USH2A: variants seen among roughly 807,000 people sequenced by gnomAD.
USH2A encodes the protein Usher syndrome 2A (autosomal recessive, mild).
In USH2A, 443 loss-of-function variants were observed where a neutral mutation model predicts 538.9. That is an observed-to-expected ratio of 0.82 (90% CI 0.76 to 0.89). The LOEUF (loss-of-function observed/expected upper bound fraction) is 0.89, where lower values mean the gene tolerates loss of function less well. USH2A is among the 40% of genes least tolerant of loss of function. The probability of loss-of-function intolerance (pLI) is 0.00; values close to 1 mark genes in which losing one functional copy is unlikely to be tolerated. For synonymous variants in USH2A, 2,413 were observed against 2,273.5 expected, an observed-to-expected ratio of 1.06 and a Z score of -1.75; for missense variants, 6,633 against 6,324.8, an observed-to-expected ratio of 1.05 and a Z score of -1.65.
At chr1:216,115,748 C>T (rs1262386172) in intron 21 of USH2A, among the ~76,000 whole-genome samples, 2 of 151,358 alleles carry the variant, frequency 1.3e-5, no homozygotes, top group African/African-American at 4.9e-5. Flanking sequence ...AAATATACCC[C>T]ACATTGAATT....
chr1:216,144,179 T>G (rs1403972882), intron 21 of USH2A, among the ~76,000 whole-genome samples: 1 of 152,192 alleles, frequency 6.6e-6, no homozygotes, highest in African/African-American at 2.4e-5. Flanking sequence ...AGTGCATCAG[T>G]AGCAATGTAG....
intron 46 of USH2A, among the ~76,000 whole-genome samples, chr1:215,842,455 T>C (rs1266478975): frequency 6.6e-6 from 1 of 152,204 alleles, no homozygotes; most frequent in African/African-American, 2.4e-5. Flanking sequence ...ATCCCATTAC[T>C]GGGTATATAC....
intron 3 of USH2A, among the ~76,000 whole-genome samples, chr1:216,375,802 G>T (rs1423379179): frequency 6.6e-6 from 1 of 152,136 alleles, no homozygotes; most frequent in Non-Finnish European, 1.5e-5. Flanking sequence ...TCAAGTGAGA[G>T]AAATGTTACT....
intron 21 of USH2A, among the ~76,000 whole-genome samples, chr1:216,098,712 A>G (rs2147477): frequency 0.64 from 97,057 of 152,098 alleles, 31,817 homozygotes; most frequent in African/African-American, 0.7. Context: ...TAATAAGCCC[A>G]TAACTGACAT....
intron 4 of USH2A, among the ~76,000 whole-genome samples, chr1:216,353,091 G>A (rs1156531508): frequency 6.6e-6 from 1 of 152,116 alleles, no homozygotes; most frequent in East Asian, 1.9e-4. Context: ...AAACGGCAGG[G>A]AAGTCCAGTT....
At chr1:216,185,030 T>C (rs886199583) in intron 20 of USH2A, among the ~76,000 whole-genome samples, 21 of 151,948 alleles carry the variant, frequency 1.4e-4, no homozygotes, top group African/African-American at 4.8e-5. Context: ...TAAACTCAAT[T>C]TGCAATGGGT....
intron 32 of USH2A, among the ~76,000 whole-genome samples, chr1:216,018,916 A>G (rs1040220046): frequency 6.6e-6 from 1 of 152,128 alleles, no homozygotes; most frequent in African/African-American, 2.4e-5. Context: ...TTGAAAGCTA[A>G]TAAGTCAACA....
intron 61 of USH2A, among the ~76,000 whole-genome samples, chr1:215,708,826 C>A (rs542173516): frequency 5.3e-5 from 8 of 151,978 alleles, no homozygotes; most frequent in Admixed American, 1.3e-4. Context: ...TACTGGTCTG[C>A]GTCCCCGGGG....
rs534601660 is a variant in USH2A at position 216,008,449 on chromosome 1, G to A, written c.6326-7887C>T. Among the ~76,000 whole-genome samples the A allele has an allele frequency of 4.7e-4, 71 of 150,872 alleles. 1 individual carries two copies. The South Asian group carries it at 8.0e-3, about 17-fold the overall frequency. On this transcript the variant is annotated intron_variant, in intron 32 of 71. Coordinates refer to ENST00000307340, the MANE Select transcript of USH2A (RefSeq NM_206933.4). ...AACGGCCCCACCCCTATCTCCCTTCGCTGACTCTCTTTTCGGACTCAGCCC... is the reference window on the plus strand; with the variant it reads ...AACGGCCCCACCCCTATCTCCCTTCACTGACTCTCTTTTCGGACTCAGCCC...
chr1:216,140,265 CTT>C (rs1049404616), intron 21 of USH2A, among the ~76,000 whole-genome samples: 1 of 152,134 alleles, frequency 6.6e-6, no homozygotes, highest in African/African-American at 2.4e-5. Context: ...AATTTTGTCT[CTT>C]ATGCTTTCCA....
chr1:215,648,716 G>A lies in USH2A; in HGVS notation c.14394C>T (p.Phe4798=). Residue 4798 remains phenylalanine (F), a synonymous_variant, in exon 66 of 72, where the codon TTC becomes TTT. Transcript: ENST00000307340. ...CCTCTACTCCAATAGAGTAGTTAGT[G>A]AAGGCTTGAAGGCCATGGAGAGTCT... ...TQQTLHGLQA[F]TNYSIGVEAC... The A allele has an allele frequency of 6.2e-7, 1 of 1,614,186 alleles. No homozygotes were observed. The highest frequency in any genetic ancestry group is 8.5e-7 in the Non-Finnish European group (1 of 1,180,028).
chr1:215,790,373 T>G, intron 50 of USH2A, 91 bp from the exon 51 acceptor site: 1 of 1,436,590 alleles, frequency 7.0e-7, no homozygotes, highest in Admixed American at 1.7e-5. Flanking sequence ...AATGTCAGGC[T>G]CAGGCAGTTG....
chr1:216,174,161 A>G lies in USH2A; in HGVS notation c.4627+1091T>C, dbSNP rs886045945. On this transcript the variant is annotated intron_variant, in intron 21 of 71. Coordinates refer to ENST00000307340, the MANE Select transcript of USH2A (RefSeq NM_206933.4). Reference sequence around the variant, plus strand: ...CAAACTATTTACTATTTTAAGTAAAAATAAAACAATACAAATTTTTATAGC... The same window carrying G: ...CAAACTATTTACTATTTTAAGTAAAGATAAAACAATACAAATTTTTATAGC... 2.0e-6 allele frequency: 2 copies of G among 984,846 alleles called. No individual in the cohort carries two copies. The highest frequency in any genetic ancestry group is 6.2e-5 in the Admixed American group (1 of 16,258). The allele number at this position is 984,846 out of a possible 1,614,324, so 61.0% of individuals were successfully genotyped here.
intron 40 of USH2A, among the ~76,000 whole-genome samples, chr1:215,899,658 T>C (rs1291778148): frequency 1.3e-5 from 2 of 152,166 alleles, no homozygotes; most frequent in Admixed American, 1.3e-4. Flanking sequence ...ATGAAACCTG[T>C]TTCCAGGAAC....
intron 30 of USH2A, among the ~76,000 whole-genome samples, chr1:216,058,972 T>C (rs2031080208): frequency 6.6e-6 from 1 of 152,070 alleles, no homozygotes; most frequent in Admixed American, 6.6e-5. Flanking sequence ...AGAAATAGCA[T>C]GGGTGCACAG....
Position 216,309,076 on chromosome 1 carries a change from T to G in USH2A, c.1644+12807A>C, listed in dbSNP as rs904510400. On this transcript the variant is annotated intron_variant, in intron 9 of 71. Transcript: ENST00000307340. ...AATAGCTGTGTATAATGTCCCATCA[T>G]GCCTAGTCTGTTTCTAGACGATTGT... Among the ~76,000 whole-genome samples the G allele has an allele frequency of 4.6e-5, 7 of 152,346 alleles. No individual in the cohort carries two copies. The East Asian group carries it at 1.4e-3, about 29-fold the overall frequency.
intron 27 of USH2A, among the ~76,000 whole-genome samples, chr1:216,074,113 G>A (rs75354167): frequency 7.9e-5 from 12 of 152,330 alleles, no homozygotes; most frequent in Non-Finnish European, 1.3e-4. Flanking sequence ...CAGAGAATGC[G>A]GATGAAATGA....
At chr1:215,781,205 C>T (rs1661625174) in intron 54 of USH2A, among the ~76,000 whole-genome samples, 1 of 152,148 alleles carries the variant, frequency 6.6e-6, no homozygotes, top group Non-Finnish European at 1.5e-5. Flanking sequence ...CCATACAGAT[C>T]TTTCTAGAAA....
intron 21 of USH2A, among the ~76,000 whole-genome samples, chr1:216,115,694 T>G (rs2032991614): frequency 6.6e-6 from 1 of 152,038 alleles, no homozygotes; most frequent in South Asian, 2.1e-4. Context: ...TAAATTGAAT[T>G]TATTCAATTC....
Sources: gnomAD v4.1 joint callset for allele counts (sites outside exome capture counted in the v4.1 genomes callset) on GRCh38, gnomAD v4.1.1 for gene constraint, MANE v1.5 for transcripts, NCBI Gene and HGNC (gene_info 2026-07-23, HGNC 2026-07-21) for gene names.